The following SOCS7 variants were observed in gnomAD, a reference collection of about 807,000 sequenced individuals.
SOCS7 encodes suppressor of cytokine signaling 7.
Under a neutral mutation model 58.9 loss-of-function variants are expected in SOCS7, and 18 were observed. The ratio of observed to expected loss-of-function variants is 0.31; its 90% CI spans 0.21 to 0.45. SOCS7 has a LOEUF of 0.45. SOCS7 is among the 20% of genes least tolerant of loss of function. The pLI, the probability that SOCS7 is intolerant of heterozygous loss-of-function variation, is 1.00. For synonymous variants in SOCS7, 388 were observed against 364.3 expected, an observed-to-expected ratio of 1.06 and a Z score of -0.74; for missense variants, 667 against 837.3, an observed-to-expected ratio of 0.80 and a Z score of 2.51.
intron 7 of SOCS7, among the ~76,000 whole-genome samples, chr17:38,389,884 T>TAC (rs1239542061): frequency 1.9e-4 from 18 of 97,094 alleles, no homozygotes; most frequent in Non-Finnish European, 2.8e-4. Flanking sequence ...TATATATATG[T>TAC]ACATATATAT....
At chr17:38,382,208 T>C (rs1029080514) in intron 7 of SOCS7, among the ~76,000 whole-genome samples, 1 of 151,690 alleles carries the variant, frequency 6.6e-6, no homozygotes, top group Non-Finnish European at 1.5e-5. Flanking sequence ...GTGGAAGGAT[T>C]GTTTGAGCCC....
At chr17:38,356,540 A>G (rs763782910) in intron 1 of SOCS7, among the ~76,000 whole-genome samples, 54 of 151,480 alleles carry the variant, frequency 3.6e-4, no homozygotes, top group Non-Finnish European at 7.1e-4. Flanking sequence ...AATTTTTTGT[A>G]TTTTAGTAGA....
intron 1 of SOCS7, among the ~76,000 whole-genome samples, chr17:38,354,559 T>G (rs1440396713): frequency 6.6e-6 from 1 of 152,204 alleles, no homozygotes; most frequent in Non-Finnish European, 1.5e-5. Context: ...GTTGTCCCTT[T>G]AGGTAGGCCA....
chr17:38,396,687 G>A (rs930706340), intron 9 of SOCS7, among the ~76,000 whole-genome samples: 4 of 152,136 alleles, frequency 2.6e-5, no homozygotes, highest in Non-Finnish European at 4.4e-5. Flanking sequence ...ATTCCAATTA[G>A]TCTTTTAAAT....
rs534124483 is a variant in SOCS7 at position 38,371,975 on chromosome 17, G to A, written c.1552+3925G>A. On this transcript the variant is annotated intron_variant, in intron 6 of 9. Transcript: ENST00000612932. ...GATTTCTATTTTTTGCACTCAACAC[G>A]CACTTGAATGAATGAGACCCACAAA... 4.6e-5 allele frequency among the ~76,000 whole-genome samples: 7 copies of A among 151,980 alleles called. No individual in the cohort carries two copies. In the South Asian group the frequency reaches 1.0e-3, roughly 23 times the overall value.
intron 6 of SOCS7, among the ~76,000 whole-genome samples, chr17:38,376,593 G>A (rs532138459): frequency 1.3e-5 from 2 of 152,090 alleles, no homozygotes; most frequent in Admixed American, 1.3e-4. Context: ...TTAGCCAGGC[G>A]TGGTGGCAGG....
chr17:38,362,898 G>A (rs2037738872), intron 2 of SOCS7, among the ~76,000 whole-genome samples: 1 of 152,158 alleles, frequency 6.6e-6, no homozygotes, highest in African/African-American at 2.4e-5. Context: ...ATCATCTGAG[G>A]TCAGGTGTTT....
intron 9 of SOCS7, 83 bp downstream of exon 9, chr17:38,396,081 A>G: frequency 8.8e-7 from 1 of 1,132,936 alleles, no homozygotes; most frequent in South Asian, 1.7e-5. Flanking sequence ...CCCCCTCCCC[A>G]CAACTCCCAA....
intron 7 of SOCS7, among the ~76,000 whole-genome samples, chr17:38,383,352 A>C (rs41474549): frequency 0.047 from 7,084 of 152,256 alleles, 196 homozygotes; most frequent in Middle Eastern, 0.2. Context: ...GTGCTCTCTA[A>C]GATGTAGGTG....
At chr17:38,360,579 G>A (rs780151386) in intron 1 of SOCS7, among the ~76,000 whole-genome samples, 9 of 148,180 alleles carry the variant, frequency 6.1e-5, no homozygotes, top group Middle Eastern at 7.6e-3. Context: ...TCGCTCTGTC[G>A]CCCAGGCTGG....
intron 1 of SOCS7, among the ~76,000 whole-genome samples, chr17:38,359,782 A>T (rs4386174): frequency 0.22 from 32,551 of 150,620 alleles, 4,170 homozygotes; most frequent in African/African-American, 0.36. Flanking sequence ...ATTTTTAATT[A>T]AAAAAAATTT....
rs1300018001 is a variant in SOCS7 at position 38,351,886 on chromosome 17, C to T, written c.-167C>T. Among the ~76,000 whole-genome samples the T allele has an allele frequency of 1.3e-5, 2 of 151,260 alleles. No homozygotes were observed. Among genetic ancestry groups the T allele is most frequent in the African/African-American group, 4.8e-5 (2 of 41,378 alleles). ...CGGCGGTGGCGGAGCGCGGCCTGGGCTCGCGCTGGGCTCCGCGCGCCCCCC... is the reference window on the plus strand; with the variant it reads ...CGGCGGTGGCGGAGCGCGGCCTGGGTTCGCGCTGGGCTCCGCGCGCCCCCC... On this transcript the variant is annotated 5_prime_UTR_variant, in exon 1 of 10. Transcript: ENST00000612932.
At chr17:38,370,316 A>G (rs1210307083) in intron 6 of SOCS7, among the ~76,000 whole-genome samples, 1 of 151,812 alleles carries the variant, frequency 6.6e-6, no homozygotes, top group Non-Finnish European at 1.5e-5. Context: ...CTTTTTGTTA[A>G]AGGGACTTTG....
intron 7 of SOCS7, among the ~76,000 whole-genome samples, chr17:38,384,513 T>G (rs969963494): frequency 6.6e-6 from 1 of 152,106 alleles, no homozygotes; most frequent in Non-Finnish European, 1.5e-5. Context: ...AGGCTGGTCA[T>G]GAACTCCTGG....
At chr17:38,384,249 T>TA (rs914501581) in intron 7 of SOCS7, among the ~76,000 whole-genome samples, 7 of 152,234 alleles carry the variant, frequency 4.6e-5, no homozygotes, top group African/African-American at 1.7e-4. Flanking sequence ...CCTGTTTGTA[T>TA]ACCTGTCCAC....
chr17:38,359,912 G>T (rs1032362933), intron 1 of SOCS7, among the ~76,000 whole-genome samples: 4 of 151,612 alleles, frequency 2.6e-5, no homozygotes, highest in Admixed American at 2.6e-4. Context: ...TGAGTAACTG[G>T]GACTAGAGGT....
chr17:38,361,548 T>A (rs2037719169), intron 1 of SOCS7, among the ~76,000 whole-genome samples, 163 bp from the exon 2 acceptor site: 1 of 152,254 alleles, frequency 6.6e-6, no homozygotes. Flanking sequence ...CCTTAATTAT[T>A]TCATTCTCCC....
chr17:38,365,433 C>T (rs750535304), intron 4 of SOCS7, 24 bp downstream of exon 4: 34 of 1,510,990 alleles, frequency 2.3e-5, no homozygotes, highest in Non-Finnish European at 3.1e-5. Flanking sequence ...AGAGGCAAGA[C>T]TTGTAAGAGT....
At chr17:38,365,269 T>C in intron 3 of SOCS7, 39 bp from the exon 4 acceptor site, 3 of 1,497,426 alleles carry the variant, frequency 2.0e-6, no homozygotes, top group Non-Finnish European at 2.8e-6. Flanking sequence ...CATTCTGTGC[T>C]CACATTTCTG....
Sources: gnomAD v4.1 joint callset for allele counts (sites outside exome capture counted in the v4.1 genomes callset) on GRCh38, gnomAD v4.1.1 for gene constraint, MANE v1.5 for transcripts, NCBI Gene and HGNC (gene_info 2026-07-23, HGNC 2026-07-21) for gene names.